The following PRKAG2 variants were observed in gnomAD, a reference collection of about 807,000 sequenced individuals.
PRKAG2 encodes 5'-AMP-activated protein kinase subunit gamma-2.
PRKAG2 carries 26 observed loss-of-function variants against 69.6 expected under a neutral mutation model. The ratio of observed to expected loss-of-function variants is 0.37; its 90% CI spans 0.27 to 0.52. The LOEUF (loss-of-function observed/expected upper bound fraction) is 0.52, where lower values mean the gene tolerates loss of function less well. PRKAG2 is among the 20% of genes least tolerant of loss of function. The probability of loss-of-function intolerance (pLI) is 0.90; values close to 1 mark genes in which losing one functional copy is unlikely to be tolerated. For missense variants in PRKAG2, 557 were observed against 740.0 expected (o/e 0.75, Z 2.87); for synonymous variants, 293 against 285.0 (o/e 1.03, Z -0.28).
At chr7:151,818,454 T>C (rs1426267295) in intron 1 of PRKAG2, among the ~76,000 whole-genome samples, 2 of 152,222 alleles carry the variant, frequency 1.3e-5, no homozygotes, top group Non-Finnish European at 1.5e-5. Flanking sequence ...CGATGAGGCA[T>C]TGCTATGCAG....
intron 3 of PRKAG2, 69 bp from the exon 4 acceptor site, chr7:151,675,706 G>T: frequency 1.4e-6 from 2 of 1,452,104 alleles, no homozygotes; most frequent in Non-Finnish European, 1.9e-6. Flanking sequence ...GTGGTCAGAG[G>T]TCTGGTCTCC....
chr7:151,668,527 A>G (rs1281426910), intron 4 of PRKAG2, among the ~76,000 whole-genome samples: 1 of 152,188 alleles, frequency 6.6e-6, no homozygotes, highest in Non-Finnish European at 1.5e-5. Flanking sequence ...GCTGCTACCG[A>G]TGGCTCACAC....
chr7:151,876,388 C>G, intron 1 of PRKAG2, 119 bp downstream of exon 1: 2 of 1,018,872 alleles, frequency 2.0e-6, no homozygotes, highest in Non-Finnish European at 3.0e-6. Flanking sequence ...CCCAAGCCGC[C>G]CGAAGTGACA....
At chr7:151,702,549 A>C (rs907321594) in intron 3 of PRKAG2, among the ~76,000 whole-genome samples, 1 of 152,236 alleles carries the variant, frequency 6.6e-6, no homozygotes, top group African/African-American at 2.4e-5. Context: ...ATCTGCCAGG[A>C]AGCCCATCAG....
intron 5 of PRKAG2, among the ~76,000 whole-genome samples, chr7:151,623,984 TA>T (rs907210541): frequency 4.3e-4 from 65 of 152,164 alleles, no homozygotes; most frequent in African/African-American, 1.5e-3. Flanking sequence ...ATTCATAAAA[TA>T]ACAACTTATT....
chr7:151,582,239 T>C lies in PRKAG2; in HGVS notation c.865-5787A>G, dbSNP rs192843291. ...AACATGGCTCACTGCAGTCTCAACC[T>C]CCTGGGTTCAAGTGATTCTCCCACC... is the stretch of plus-strand genomic sequence containing the variant. On this transcript the variant is annotated intron_variant, in intron 6 of 15. Transcript: ENST00000287878. 3.9e-5 allele frequency among the ~76,000 whole-genome samples: 6 copies of C among 152,256 alleles called. No individual in the cohort carries two copies. In the East Asian group the frequency reaches 1.2e-3, roughly 29 times the overall value.
intron 4 of PRKAG2, among the ~76,000 whole-genome samples, chr7:151,671,111 T>A (rs1831960408): frequency 7.4e-6 from 1 of 135,674 alleles, no homozygotes; most frequent in Non-Finnish European, 1.5e-5. Flanking sequence ...AAGGCAGAGG[T>A]TGCAGTGAGC....
chr7:151,758,247 T>C (rs779104427), intron 3 of PRKAG2, among the ~76,000 whole-genome samples: 2 of 152,178 alleles, frequency 1.3e-5, no homozygotes, highest in Non-Finnish European at 2.9e-5. Context: ...TCAGACAAGA[T>C]GCCATTTCTT....
chr7:151,779,228 C>G (rs1270235455), intron 3 of PRKAG2, among the ~76,000 whole-genome samples: 1 of 152,200 alleles, frequency 6.6e-6, no homozygotes, highest in Non-Finnish European at 1.5e-5. Context: ...TCTAAAAGAA[C>G]AGCTCATTTC....
chr7:151,820,851 C>G (rs912445083), intron 1 of PRKAG2, among the ~76,000 whole-genome samples: 1 of 152,216 alleles, frequency 6.6e-6, no homozygotes, highest in Non-Finnish European at 1.5e-5. Flanking sequence ...CTCTCCTAAC[C>G]CTGAGGCCCA....
At chr7:151,558,807 T>G (rs911422823) in intron 15 of PRKAG2, 2 of 985,404 alleles carry the variant, frequency 2.0e-6, no homozygotes, top group Non-Finnish European at 2.4e-6. Context: ...GGAGGGGCAT[T>G]GCAATGACTT....
intron 3 of PRKAG2, 43 bp from the exon 4 acceptor site, chr7:151,675,680 G>A: frequency 1.3e-6 from 2 of 1,555,108 alleles, no homozygotes; most frequent in Non-Finnish European, 8.9e-7. Context: ...CCGGCTTCCA[G>A]GAAGGGACGT....
chr7:151,642,354 C>CA (rs1430429994), intron 4 of PRKAG2, among the ~76,000 whole-genome samples: 1 of 151,762 alleles, frequency 6.6e-6, no homozygotes, highest in Non-Finnish European at 1.5e-5. Context: ...AACAAACAAA[C>CA]AACAAACAAA....
At chr7:151,615,130 C>G (rs947813575) in intron 5 of PRKAG2, among the ~76,000 whole-genome samples, 1 of 152,224 alleles carries the variant, frequency 6.6e-6, no homozygotes, top group Non-Finnish European at 1.5e-5. Flanking sequence ...GAGAAAGGAG[C>G]TGTTTTTTGT....
intron 4 of PRKAG2, among the ~76,000 whole-genome samples, chr7:151,639,991 C>G (rs766510494): frequency 6.6e-6 from 1 of 152,110 alleles, no homozygotes; most frequent in Non-Finnish European, 1.5e-5. Flanking sequence ...TCTGAAGAAC[C>G]CTGACTGATA....
At position 151,614,961 on chromosome 7, in the gene PRKAG2, C is replaced by T. The variant is rs985323333; in HGVS notation, c.754+17108G>A. Among the ~76,000 whole-genome samples, 1 of 151,808 alleles carries T rather than the reference C, an allele frequency of 6.6e-6. No individual in the cohort carries two copies. Among genetic ancestry groups the T allele is most frequent in the Non-Finnish European group, 1.5e-5 (1 of 67,974 alleles). ...CTAGAGGGAACCTCGAGAGAGGAGCCGTATGGATCCAGAGGGAACCTCGAG... is the reference window on the plus strand; with the variant it reads ...CTAGAGGGAACCTCGAGAGAGGAGCTGTATGGATCCAGAGGGAACCTCGAG... On this transcript the variant is annotated intron_variant, in intron 5 of 15. Coordinates refer to ENST00000287878, the MANE Select transcript of PRKAG2 (RefSeq NM_016203.4). This position sits in a 1 kb window ranked among gnomAD's most constrained non-coding sequence, Gnocchi z 4.4.
chr7:151,832,601 G>GGT (rs1332130729), intron 1 of PRKAG2, among the ~76,000 whole-genome samples: 5 of 151,378 alleles, frequency 3.3e-5, no homozygotes, highest in Non-Finnish European at 7.4e-5. Flanking sequence ...TCTCTGGGGG[G>GGT]GGGGTCCCAG....
intron 3 of PRKAG2, among the ~76,000 whole-genome samples, chr7:151,678,680 C>T (rs1012653158): frequency 6.6e-6 from 1 of 152,116 alleles, no homozygotes; most frequent in African/African-American, 2.4e-5. Context: ...AAATAGAGGC[C>T]AGGTGCAGTG....
intron 1 of PRKAG2, among the ~76,000 whole-genome samples, chr7:151,798,475 C>T (rs552916500): frequency 5.3e-5 from 8 of 151,562 alleles, no homozygotes; most frequent in South Asian, 4.2e-4. Context: ...CCACCACGCC[C>T]GGCTAATTTT....
Sources: gnomAD v4.1 joint callset for allele counts (sites outside exome capture counted in the v4.1 genomes callset) on GRCh38, gnomAD v4.1.1 for gene constraint, Gnocchi (gnomAD v3.1) non-coding constraint, MANE v1.5 for transcripts, NCBI Gene and HGNC (gene_info 2026-07-23, HGNC 2026-07-21) for gene names.